KPNA6: variants seen among roughly 807,000 people sequenced by gnomAD.
KPNA6 encodes karyopherin subunit alpha 6, also known as importin subunit alpha-7.
A neutral mutation model predicts 72.0 loss-of-function variants in KPNA6; 9 were observed. The observed-to-expected ratio is 0.13, with a 90% CI of 0.08 to 0.22. KPNA6 has a LOEUF of 0.22. Among genes scored for constraint, KPNA6 ranks in the 10% least tolerant of loss-of-function variants. The pLI is 1.00. For synonymous variants in KPNA6, 219 were observed against 242.1 expected, an observed-to-expected ratio of 0.90 and a Z score of 0.89; for missense variants, 374 against 655.7, an observed-to-expected ratio of 0.57 and a Z score of 4.69.
chr1:32,128,191 G>C lies in KPNA6; in HGVS notation c.4+20057G>C, dbSNP rs1329872864. Among the ~76,000 whole-genome samples the C allele has an allele frequency of 2.0e-5, 3 of 151,428 alleles. No homozygotes were observed. In the Admixed American group the frequency reaches 2.0e-4, roughly 10 times the overall value. ...CTGGAAAATTTCTTTTGGAGAAACT[G>C]TTTGGACTATAGTTATCCCAGTCTT... On this transcript the variant is annotated intron_variant, in intron 1 of 13. Coordinates refer to ENST00000373625, the MANE Select transcript of KPNA6 (RefSeq NM_012316.5).
At chr1:32,147,540 G>A (rs538479362) in intron 1 of KPNA6, among the ~76,000 whole-genome samples, 48 of 151,474 alleles carry the variant, frequency 3.2e-4, no homozygotes, top group African/African-American at 1.1e-3. Context: ...TCAAGTAATC[G>A]TCTGGCCTTG....
chr1:32,148,849 G>A (rs143071997), intron 1 of KPNA6, among the ~76,000 whole-genome samples: 80 of 151,940 alleles, frequency 5.3e-4, no homozygotes, highest in African/African-American at 1.7e-3. Context: ...GAGCCACTGC[G>A]CCCGGCCCCC....
intron 1 of KPNA6, among the ~76,000 whole-genome samples, chr1:32,115,594 A>G (rs914107328): frequency 2.6e-5 from 4 of 151,354 alleles, no homozygotes; most frequent in African/African-American, 4.9e-5. Context: ...CACTCAGCCA[A>G]TTTTAAATTT....
intron 1 of KPNA6, among the ~76,000 whole-genome samples, chr1:32,137,768 T>G (rs1302879227): frequency 1.3e-5 from 2 of 152,114 alleles, no homozygotes; most frequent in Non-Finnish European, 2.9e-5. Context: ...AAAAATCAGT[T>G]TCCTGAATTG....
chr1:32,163,163 G>T, intron 9 of KPNA6, 72 bp from the exon 10 acceptor site: 1 of 968,676 alleles, frequency 1.0e-6, no homozygotes, highest in Non-Finnish European at 1.7e-6. Flanking sequence ...TCCAGGCTCA[G>T]ACTAAAGAGA....
chr1:32,155,915 ATTTTTTTTTTTTTTT>A (rs747284319), intron 2 of KPNA6, among the ~76,000 whole-genome samples: 1 of 105,050 alleles, frequency 9.5e-6, no homozygotes, highest in African/African-American at 3.8e-5. Context: ...ATTTTTGTGG[ATTTTTTTTTTTTTTT>A]TTTTTTTGTA....
In KPNA6 at chr1:32,163,975, T is replaced by G. The variant is rs146452666; in HGVS notation, c.990+662T>G. Among the ~76,000 whole-genome samples, 259 of 152,342 alleles carry G rather than the reference T, an allele frequency of 1.7e-3. 2 individuals carry two copies. Among genetic ancestry groups the G allele is most frequent in the African/African-American group, 6.0e-3 (248 of 41,572 alleles). ...CCATTGGCATAAAGTACATTCACAT[T>G]GTTTTTCCGTTATTGCCACTAGCCA... is the stretch of plus-strand genomic sequence containing the variant. On this transcript the variant is annotated intron_variant, in intron 10 of 13. Coordinates refer to ENST00000373625, the MANE Select transcript of KPNA6 (RefSeq NM_012316.5).
intron 1 of KPNA6, among the ~76,000 whole-genome samples, chr1:32,114,638 AAG>A (rs1467738923): frequency 6.6e-6 from 1 of 152,082 alleles, no homozygotes; most frequent in African/African-American, 2.4e-5. Context: ...AGCCCATAAC[AAG>A]AGAGTCAGCC....
intron 3 of KPNA6, 79 bp downstream of exon 3, chr1:32,157,024 C>A: frequency 9.8e-7 from 1 of 1,019,908 alleles, no homozygotes; most frequent in Non-Finnish European, 1.5e-6. Flanking sequence ...TTCACATCAT[C>A]TACCAGCTTT....
chr1:32,154,519 A>G, intron 1 of KPNA6, 69 bp from the exon 2 acceptor site: 1 of 1,552,790 alleles, frequency 6.4e-7, no homozygotes, highest in East Asian at 2.3e-5. Flanking sequence ...GTGGGTAGGG[A>G]TAGAAGTCTA....
chr1:32,130,800 T>G (rs1418499232), intron 1 of KPNA6, among the ~76,000 whole-genome samples: 5 of 151,898 alleles, frequency 3.3e-5, no homozygotes, highest in Admixed American at 3.3e-4. Flanking sequence ...TCAAAGAAGT[T>G]CATTAAGAAA....
At chr1:32,167,059 C>T in intron 11 of KPNA6, 110 bp from the exon 12 acceptor site, 2 of 1,388,646 alleles carry the variant, frequency 1.4e-6, no homozygotes, top group Non-Finnish European at 2.0e-6. Flanking sequence ...CAAAAGAAAA[C>T]TCCCAGAATG....
rs374802794 is a variant in KPNA6 at position 32,148,163 on chromosome 1, G to T, written c.5-6425G>T. ...TCTATCACCCAGGCTGGAGTACAGT[G>T]GCATGATCTCGGCTCAATGCAGTCT... On this transcript the variant is annotated intron_variant, in intron 1 of 13. Coordinates refer to ENST00000373625, the MANE Select transcript of KPNA6 (RefSeq NM_012316.5). Among the ~76,000 whole-genome samples the T allele has an allele frequency of 7.2e-5, 11 of 151,962 alleles. No individual in the cohort carries two copies. The South Asian group carries it at 1.5e-3, about 20-fold the overall frequency.
intron 1 of KPNA6, among the ~76,000 whole-genome samples, chr1:32,140,514 G>T (rs1189690584): frequency 6.6e-6 from 1 of 152,130 alleles, no homozygotes; most frequent in Non-Finnish European, 1.5e-5. Context: ...ATATACATCT[G>T]ATAGAATAAA....
chr1:32,138,973 ATTC>A (rs1461575623), intron 1 of KPNA6, among the ~76,000 whole-genome samples: 1 of 152,132 alleles, frequency 6.6e-6, no homozygotes. Flanking sequence ...TTAGTAAGAA[ATTC>A]TTCTGTAGTC....
chr1:32,117,066 A>G (rs1641339934), intron 1 of KPNA6, among the ~76,000 whole-genome samples: 1 of 152,234 alleles, frequency 6.6e-6, no homozygotes, highest in African/African-American at 2.4e-5. Context: ...AGTTTGAAAT[A>G]TTACGAGAAT....
intron 1 of KPNA6, among the ~76,000 whole-genome samples, chr1:32,144,317 A>G (rs1243195209): frequency 6.6e-6 from 1 of 152,196 alleles, no homozygotes; most frequent in Non-Finnish European, 1.5e-5. Flanking sequence ...GCGATATTTC[A>G]TCATGTTACT....
chr1:32,134,852 A>C (rs1641705067), intron 1 of KPNA6, among the ~76,000 whole-genome samples: 1 of 151,884 alleles, frequency 6.6e-6, no homozygotes, highest in African/African-American at 2.4e-5. Context: ...ATTGGGGGTG[A>C]CAGCTAAAGA....
Position 32,160,597 on chromosome 1 carries a change from T to A in KPNA6, c.559-18T>A. On this transcript the variant is annotated intron_variant, in intron 6 of 13. Coordinates refer to ENST00000373625, the MANE Select transcript of KPNA6 (RefSeq NM_012316.5). ...GTACCAAGCTTTGTGGGTGACAGTT[T>A]CATTATCCCCTTTTCAGGCAGTCTG... The A allele has an allele frequency of 6.2e-7, 1 of 1,607,506 alleles. No homozygotes were observed. Among genetic ancestry groups the A allele is most frequent in the African/African-American group, 1.3e-5 (1 of 74,910 alleles).
Sources: allele counts gnomAD v4.1 joint callset (sites outside exome capture counted in the v4.1 genomes callset), GRCh38; gene constraint gnomAD v4.1.1; transcripts MANE v1.5; gene names NCBI Gene and HGNC (gene_info 2026-07-23, HGNC 2026-07-21).